Variants in CDKN2A observed in about 807,000 individuals in gnomAD.
CDKN2A encodes cyclin dependent kinase inhibitor 2A, also known as cyclin-dependent kinase inhibitor 2A.
Under a neutral mutation model 11.1 loss-of-function variants are expected in CDKN2A, and 3 were observed. The ratio of observed to expected loss-of-function variants is 0.27; its 90% CI spans 0.12 to 0.70. CDKN2A has a LOEUF of 0.70. Ranked by LOEUF, CDKN2A falls within the 30% of genes least tolerant of loss-of-function variation. CDKN2A has a pLI of 0.77. For missense variants in CDKN2A, 265 were observed against 233.6 expected (o/e 1.13, Z -0.88); for synonymous variants, 122 against 108.1 (o/e 1.13, Z -0.80).
chr9:21,976,272 A>G (rs1820026855), upstream of CDKN2A, among the ~76,000 whole-genome samples: 1 of 151,394 alleles, frequency 6.6e-6, no homozygotes, highest in Admixed American at 6.6e-5. Flanking sequence ...CCAGCTACTC[A>G]GGAGGCTGAG....
chr9:21,984,739 C>A (rs1038519112), intron 2 of CDKN2A, among the ~76,000 whole-genome samples: 2 of 151,916 alleles, frequency 1.3e-5, no homozygotes, highest in African/African-American at 4.8e-5. Context: ...TTCAGGGGCA[C>A]CATCTACATG....
upstream of CDKN2A, chr9:21,974,978 C>G: frequency 7.2e-7 from 1 of 1,397,282 alleles, no homozygotes; most frequent in Non-Finnish European, 9.2e-7. The surrounding 1 kb of genome is among the most constrained non-coding windows in gnomAD (Gnocchi z 5.2). Flanking sequence ...CCCTCAAATC[C>G]TCTGGAGGGA....
At chr9:21,970,781 G>T in intron 2 of CDKN2A, 121 bp downstream of exon 2, 2 of 1,250,342 alleles carry the variant, frequency 1.6e-6, no homozygotes, top group Non-Finnish European at 1.1e-6. Flanking sequence ...CCACCGATTG[G>T]CGCGTGAGCT....
intron 2 of CDKN2A, among the ~76,000 whole-genome samples, chr9:21,987,723 G>T (rs1346523355): frequency 1.3e-5 from 2 of 152,078 alleles, no homozygotes; most frequent in Non-Finnish European, 2.9e-5. Flanking sequence ...TGATTACTCA[G>T]ACTCTCCTCC....
intron 1 of CDKN2A, chr9:21,994,495 C>T (rs2131149866): frequency 7.0e-7 from 1 of 1,435,032 alleles, no homozygotes; most frequent in Admixed American, 2.6e-5. Flanking sequence ...CTGAGCGCGC[C>T]CGCCCCCCAC....
chr9:21,984,758 T>C (rs183351110), intron 2 of CDKN2A, among the ~76,000 whole-genome samples: 5 of 152,100 alleles, frequency 3.3e-5, no homozygotes, highest in Admixed American at 2.6e-4. Context: ...TGGAAGCTTT[T>C]CTCATCAAAT....
rs1819502692 is a variant in CDKN2A, at chr9:21,968,209, T to G, written c.*20A>C. 1.4e-5 allele frequency: 22 copies of G among 1,613,418 alleles called. No homozygotes were observed. Among genetic ancestry groups the G allele is most frequent in the Non-Finnish European group, 1.9e-5 (22 of 1,179,440 alleles). On this transcript the variant is annotated 3_prime_UTR_variant, in exon 3 of 3. Coordinates refer to ENST00000304494, the MANE Select transcript of CDKN2A (RefSeq NM_000077.5). The surrounding 1 kb of genome is among the most constrained non-coding windows in gnomAD (Gnocchi z 4.7). ...GATGATCTAAGTTTCCCGAGGTTTCTCAGAGCCTCTCTGGTTCTTTCAATC... is the reference window on the plus strand; with the variant it reads ...GATGATCTAAGTTTCCCGAGGTTTCGCAGAGCCTCTCTGGTTCTTTCAATC...
chr9:21,990,649 A>AGAGAGAGAGAGG (rs1396090431), intron 2 of CDKN2A, among the ~76,000 whole-genome samples: 6 of 150,232 alleles, frequency 4.0e-5, no homozygotes, highest in South Asian at 2.1e-4. Context: ...AGAGAGAGAG[A>AGAGAGAGAGAGG]GAAACTGTTT....
chr9:21,971,221 A>G lies in CDKN2A; in HGVS notation c.151-13T>C, dbSNP rs757122222. 1.3e-5 allele frequency: 21 copies of G among 1,596,030 alleles called. No homozygotes were observed. Among genetic ancestry groups the G allele is most frequent in the African/African-American group, 5.3e-5 (4 of 74,828 alleles). On this transcript the variant is annotated splice_polypyrimidine_tract_variant and intron_variant, in intron 1 of 2. Coordinates refer to ENST00000304494, the MANE Select transcript of CDKN2A (RefSeq NM_000077.5). ...CCATCATCATGACCTGCCAGAGAGA[A>G]CAGAATGGTCAGAGCCAGGGTGGGG...
At chr9:21,994,651 T>G in intron 1 of CDKN2A, 3 of 294,728 alleles carry the variant, frequency 1.0e-5, no homozygotes, top group East Asian at 6.5e-5. Context: ...CGCGTTCCTC[T>G]CCCTCCCGCC....
chr9:21,994,352 C>T (rs1483320123), intron 1 of CDKN2A: 2 of 1,606,774 alleles, frequency 1.2e-6, no homozygotes, highest in Non-Finnish European at 1.7e-6. Flanking sequence ...CCTCCAGGGC[C>T]GAGCTCGGCA....
rs1258005649 is a variant in CDKN2A at position 21,974,468 on chromosome 9, C to G, written c.150+210G>C. 1 of 1,612,598 alleles carries G rather than the reference C, an allele frequency of 6.2e-7. No homozygotes were observed. The highest frequency in any genetic ancestry group is 1.7e-5 in the Admixed American group (1 of 60,010). ...TCAGCATTCGAGAGATCTGTACGCG[C>G]GTGGCTCCTCATTCCTCTTCCTTGG... On this transcript the variant is annotated intron_variant, in intron 1 of 2. Coordinates refer to ENST00000304494, the MANE Select transcript of CDKN2A (RefSeq NM_000077.5). The surrounding 1 kb of genome is among the most constrained non-coding windows in gnomAD (Gnocchi z 5.2).
chr9:21,985,122 C>T (rs558849236), intron 2 of CDKN2A, among the ~76,000 whole-genome samples: 1 of 151,936 alleles, frequency 6.6e-6, no homozygotes, highest in East Asian at 1.9e-4. Flanking sequence ...TCATGTTTTC[C>T]TTTGAGTCTC....
intron 1 of CDKN2A, chr9:21,994,526 CA>C: frequency 1.5e-6 from 2 of 1,302,446 alleles, no homozygotes; most frequent in South Asian, 1.5e-5. Flanking sequence ...ACCCCCACCC[CA>C]CCCCCACTCC....
rs201314211 is a variant in CDKN2A at position 21,971,199 on chromosome 9, T to G, written c.160A>C (p.Met54Leu). Residue 54 changes from methionine to leucine, a missense_variant, in exon 2 of 3, where the codon ATG (methionine) becomes CTG (leucine). By Grantham distance (15) the Met-to-Leu change is conservative (BLOSUM62 2). Coordinates refer to ENST00000304494, the MANE Select transcript of CDKN2A (RefSeq NM_000077.5). ...YGRRPIQVMMMGSARVAELLL... is the reference protein window; with the variant it reads ...YGRRPIQVMMLGSARVAELLL... Reference sequence around the variant, plus strand: ...AGCTCCGCCACTCGGGCGCTGCCCATCATCATGACCTGCCAGAGAGAACAG... The same window carrying G: ...AGCTCCGCCACTCGGGCGCTGCCCAGCATCATGACCTGCCAGAGAGAACAG... 6.9e-6 allele frequency: 11 copies of G among 1,597,750 alleles called. No individual in the cohort carries two copies. In the Admixed American group the frequency reaches 1.7e-4, roughly 24 times the overall value.
At position 21,991,011 on chromosome 9, in the gene CDKN2A, GAGAATCAGAATTC is replaced by G. The variant is rs1404673656; in HGVS notation, c.-4+2858_-4+2870del. ...AGAAGATATTAGTAGTTAGGTATAT[GAGAATCAGAATTC>G]AGATAATTTGTCTTAAAAATTCATA... is the stretch of plus-strand genomic sequence containing the variant. On this transcript the variant is annotated intron_variant, in intron 2 of 3. Transcript: ENST00000494262. The surrounding 1 kb of genome is among the most constrained non-coding windows in gnomAD (Gnocchi z 5.2). 2.0e-5 allele frequency among the ~76,000 whole-genome samples: 3 copies of G among 152,178 alleles called. No individual in the cohort carries two copies. Among genetic ancestry groups the G allele is most frequent in the African/African-American group, 4.8e-5 (2 of 41,442 alleles).
chr9:21,970,714 G>T, intron 2 of CDKN2A, 188 bp downstream of exon 2: 1 of 710,314 alleles, frequency 1.4e-6, no homozygotes. Context: ...TCCATTTCGG[G>T]ATTATTTCCC....
intron 2 of CDKN2A, among the ~76,000 whole-genome samples, chr9:21,980,883 CG>C (rs1194259012): frequency 6.9e-6 from 1 of 144,580 alleles, no homozygotes; most frequent in Admixed American, 6.9e-5. Context: ...GGCGTGAACC[CG>C]GGGGGCGGAG....
At chr9:21,969,499 G>A in intron 2 of CDKN2A, 1 of 373,006 alleles carries the variant, frequency 2.7e-6, no homozygotes. Context: ...AATTAATTGT[G>A]CTTGAAGAGG....
Sources: allele counts gnomAD v4.1 joint callset (sites outside exome capture counted in the v4.1 genomes callset), GRCh38; gene constraint gnomAD v4.1.1; non-coding constraint Gnocchi (gnomAD v3.1); transcripts MANE v1.5; gene names NCBI Gene and HGNC (gene_info 2026-07-23, HGNC 2026-07-21).